STRN: variants seen among roughly 807,000 people sequenced by gnomAD.
The protein encoded by STRN is striatin.
A neutral mutation model predicts 96.3 loss-of-function variants in STRN; 53 were observed. The ratio of observed to expected loss-of-function variants is 0.55; its 90% confidence interval spans 0.44 to 0.69. The LOEUF is 0.69. Among genes scored for constraint, STRN ranks in the 30% least tolerant of loss-of-function variants. STRN has a pLI of 0.00. For missense variants in STRN, 987 were observed against 963.9 expected, an observed-to-expected ratio of 1.02 and a Z score of -0.32; for synonymous variants, 428 against 355.9, an observed-to-expected ratio of 1.20 and a Z score of -2.28.
intron 6 of STRN, among the ~76,000 whole-genome samples, chr2:36,896,773 C>A (rs1434726984): frequency 1.3e-5 from 2 of 152,162 alleles, no homozygotes; most frequent in Admixed American, 6.5e-5. Context: ...AGAAGTTAGG[C>A]TTCACACAGT....
chr2:36,925,257 GT>G, intron 1 of STRN, 49 bp from the exon 2 acceptor site: 2 of 1,387,326 alleles, frequency 1.4e-6, no homozygotes, highest in Non-Finnish European at 2.0e-6. Flanking sequence ...AAAAAAAAAA[GT>G]TTTTTTAACT....
chr2:36,879,368 CG>C (rs1345788410), intron 9 of STRN, among the ~76,000 whole-genome samples: 12 of 152,338 alleles, frequency 7.9e-5, no homozygotes, highest in Admixed American at 4.6e-4. Context: ...CCACGCCCAG[CG>C]AGAAAATTTT....
intron 10 of STRN, among the ~76,000 whole-genome samples, chr2:36,874,292 A>G (rs1295174024): frequency 6.6e-6 from 1 of 151,964 alleles, no homozygotes; most frequent in Non-Finnish European, 1.5e-5. Context: ...AAAAACTGTA[A>G]GACCTCAATA....
At chr2:36,913,271 C>G (rs958886282) in intron 3 of STRN, among the ~76,000 whole-genome samples, 1 of 152,142 alleles carries the variant, frequency 6.6e-6, no homozygotes, top group Non-Finnish European at 1.5e-5. Flanking sequence ...TTTCACAAGG[C>G]CCTTGTAACT....
chr2:36,912,127 A>T (rs1241177356), intron 3 of STRN, among the ~76,000 whole-genome samples: 1 of 152,138 alleles, frequency 6.6e-6, no homozygotes, highest in African/African-American at 2.4e-5. Context: ...GCCATTCTCC[A>T]GCTATGCTCA....
intron 2 of STRN, among the ~76,000 whole-genome samples, chr2:36,924,878 G>A (rs1670368403): frequency 6.6e-6 from 1 of 152,158 alleles, no homozygotes; most frequent in African/African-American, 2.4e-5. Context: ...CCAACATGGG[G>A]AAACCATGAC....
chr2:36,950,237 A>T, intron 1 of STRN, among the ~76,000 whole-genome samples: 1 of 113,098 alleles, frequency 8.8e-6, no homozygotes, highest in African/African-American at 3.4e-5. Context: ...TTTTTTTGAG[A>T]CTGAGTCTCA....
chr2:36,869,285 G>A (rs1668706313), intron 11 of STRN, among the ~76,000 whole-genome samples: 1 of 152,108 alleles, frequency 6.6e-6, no homozygotes, highest in Admixed American at 6.5e-5. Flanking sequence ...AAATATAGCA[G>A]CCATTTAAAA....
chr2:36,949,214 G>C (rs559925095), intron 1 of STRN, among the ~76,000 whole-genome samples: 1 of 152,236 alleles, frequency 6.6e-6, no homozygotes, highest in Non-Finnish European at 1.5e-5. Context: ...ATATAGCCTA[G>C]GTATGTAGCA....
At chr2:36,930,803 C>A (rs1474392503) in intron 1 of STRN, among the ~76,000 whole-genome samples, 1 of 152,024 alleles carries the variant, frequency 6.6e-6, no homozygotes, top group African/African-American at 2.4e-5. Flanking sequence ...GAGGCCGAGA[C>A]GGGTGGATCA....
chr2:36,878,427 A>G (rs1236367236), intron 9 of STRN, among the ~76,000 whole-genome samples: 1 of 152,232 alleles, frequency 6.6e-6, no homozygotes, highest in Non-Finnish European at 1.5e-5. Context: ...CATTAATTTT[A>G]TAACCTAGAA....
At chr2:36,903,495 G>C in intron 4 of STRN, among the ~76,000 whole-genome samples, 1 of 152,126 alleles carries the variant, frequency 6.6e-6, no homozygotes, top group Admixed American at 6.5e-5. Context: ...TAACACCAAA[G>C]TTGACCAGAA....
intron 4 of STRN, among the ~76,000 whole-genome samples, chr2:36,904,378 T>C (rs376482201): frequency 6.6e-6 from 1 of 152,178 alleles, no homozygotes; most frequent in East Asian, 1.9e-4. Context: ...AGGTAGTACA[T>C]TTCATTTTAC....
At chr2:36,949,167 T>C (rs1312642143) in intron 1 of STRN, among the ~76,000 whole-genome samples, 2 of 152,202 alleles carry the variant, frequency 1.3e-5, no homozygotes, top group Non-Finnish European at 2.9e-5. Context: ...AGTAACATGC[T>C]ATACAGGTTT....
intron 1 of STRN, among the ~76,000 whole-genome samples, chr2:36,926,905 G>A (rs113671311): frequency 4.6e-5 from 7 of 152,112 alleles, no homozygotes; most frequent in South Asian, 2.1e-4. Flanking sequence ...AATGAAAGTC[G>A]TGTCAAAAGG....
At chr2:36,937,848 T>C (rs1487628474) in intron 1 of STRN, among the ~76,000 whole-genome samples, 1 of 152,118 alleles carries the variant, frequency 6.6e-6, no homozygotes, top group Non-Finnish European at 1.5e-5. Context: ...AAACACTCTC[T>C]TAACAGTTAG....
chr2:36,860,731 C>T (rs1668458071), intron 13 of STRN, among the ~76,000 whole-genome samples: 1 of 152,078 alleles, frequency 6.6e-6, no homozygotes, highest in South Asian at 2.1e-4. Flanking sequence ...TTCTACAGCC[C>T]TCCAATAATT....
rs1667895377 is a variant in STRN, at chr2:36,839,407, C to CTCTTGATGTTCATTTTAACCTATT, written c.*10025_*10048dup. ...TATTAAGGAAAGTAGTCTTCTGCTA[C>CTCTTGATGTTCATTTTAACCTATT]TCTTGATGTTCATTTTAACCTATTT... is the stretch of plus-strand genomic sequence containing the variant. On this transcript the variant is annotated 3_prime_UTR_variant, in exon 18 of 18. Transcript: ENST00000263918. Among the ~76,000 whole-genome samples the CTCTTGATGTTCATTTTAACCTATT allele has an allele frequency of 6.6e-6, 1 of 152,178 alleles. No individual in the cohort carries two copies.
intron 9 of STRN, among the ~76,000 whole-genome samples, chr2:36,879,176 T>C (rs1480101647): frequency 5.3e-5 from 8 of 152,090 alleles, no homozygotes; most frequent in Non-Finnish European, 1.2e-4. Context: ...GTTCAAGCAA[T>C]TCTCCTGCCT....
Sources: gnomAD v4.1 joint callset for allele counts (sites outside exome capture counted in the v4.1 genomes callset) on GRCh38, gnomAD v4.1.1 for gene constraint, MANE v1.5 for transcripts, NCBI Gene and HGNC (gene_info 2026-07-23, HGNC 2026-07-21) for gene names.